The following GOLGA4 variants were observed in gnomAD, a reference collection of about 807,000 sequenced individuals.
GOLGA4 encodes the protein golgin subfamily A member 4.
A neutral mutation model predicts 265.9 loss-of-function variants in GOLGA4; 169 were observed. The observed-to-expected ratio is 0.64, with a 90% CI of 0.56 to 0.72. The LOEUF is 0.72. GOLGA4 is among the 30% of genes least tolerant of loss of function. The pLI, the probability that GOLGA4 is intolerant of heterozygous loss-of-function variation, is 0.00. For missense variants in GOLGA4, 2,482 were observed against 2,483.4 expected (o/e 1.00, Z 0.01); for synonymous variants, 923 against 855.8 (o/e 1.08, Z -1.37).
In GOLGA4 at chr3:37,325,062, A is replaced by G. The variant is rs2096966048; in HGVS notation, c.3176A>G (p.Gln1059Arg). 6.2e-7 allele frequency: 1 copy of G among 1,612,942 alleles called. No homozygotes were observed. Among genetic ancestry groups the G allele is most frequent in the South Asian group, 1.1e-5 (1 of 90,928 alleles). The change falls in exon 14 of 24, where the codon CAG becomes CGG. Residue 1059 changes from glutamine (Q) to arginine (R), a missense_variant. This residue lies in a region of GOLGA4 where 1,536 missense variants were observed against 1,483.7 expected (regional missense o/e 1.04). Transcript: ENST00000361924. ...CTTAATCAGCAAGCTGAAGAACTTC[A>G]GGAAATACATGAAATCCAATTACAG... is the stretch of plus-strand genomic sequence containing the variant. ...KKLNQQAEEL[Q>R]EIHEIQLQEK...
At chr3:37,281,827 G>A in intron 2 of GOLGA4, 131 bp from the exon 3 acceptor site, 1 of 725,764 alleles carries the variant, frequency 1.4e-6, no homozygotes, top group Non-Finnish European at 2.3e-6. Context: ...AGAAAACAAT[G>A]TATTATGTAA....
In GOLGA4 at chr3:37,324,035, A is replaced by G; in HGVS notation, c.2149A>G (p.Met717Val). ...TGTTCTGAAAGATCAAACAGATAAA[A>G]TGAAGCAGGAATTAGAGGCCAAGAT... ...LSVLKDQTDK[M>V]KQELEAKMDE... Residue 717 changes from methionine to valine, a missense_variant, in exon 14 of 24, where the codon ATG becomes GTG. By Grantham distance (21) the Met-to-Val change is conservative. Around this residue, in one of 3 missense-constraint regions of GOLGA4, gnomAD observed 1,536 missense variants for 1,483.7 expected, o/e 1.04. Transcript: ENST00000361924. The G allele has an allele frequency of 6.2e-7, 1 of 1,614,068 alleles. No homozygotes were observed. Among genetic ancestry groups the G allele is most frequent in the African/African-American group, 1.3e-5 (1 of 75,056 alleles).
intron 7 of GOLGA4, among the ~76,000 whole-genome samples, chr3:37,297,872 C>A (rs2096882597): frequency 6.6e-6 from 1 of 152,124 alleles, no homozygotes. Flanking sequence ...ACTAAAAATA[C>A]AAACAAGTTA....
intron 2 of GOLGA4, chr3:37,266,905 T>A (rs956448250): frequency 7.8e-7 from 1 of 1,287,384 alleles, no homozygotes; most frequent in Non-Finnish European, 1.0e-6. Context: ...TGCTTTGGAT[T>A]CCTCCAAACA....
In GOLGA4 at chr3:37,323,769, C is replaced by G; in HGVS notation, c.1883C>G (p.Thr628Ser). 2 of 1,610,392 alleles carry G rather than the reference C, an allele frequency of 1.2e-6. No homozygotes were observed. Among genetic ancestry groups the G allele is most frequent in the Non-Finnish European group, 1.7e-6 (2 of 1,179,142 alleles). Residue 628 changes from threonine (T) to serine (S), a missense_variant, in exon 14 of 24, where the codon ACT becomes AGT. Physicochemically the swap from Thr to Ser is moderately conservative, Grantham distance 58. Coordinates refer to ENST00000361924, the MANE Select transcript of GOLGA4 (RefSeq NM_002078.5). ...AAGCATCAGCAGGATGCCCTTTGGA[C>G]TGAAAAACTCCAAGTCTTAAAGCAA... ...SLKHQQDALW[T>S]EKLQVLKQQY...
intron 2 of GOLGA4, among the ~76,000 whole-genome samples, chr3:37,272,741 G>T (rs537926916): frequency 6.6e-6 from 1 of 152,224 alleles, no homozygotes; most frequent in Non-Finnish European, 1.5e-5. Flanking sequence ...AATGCAAGAT[G>T]TAACTACTGA....
chr3:37,315,724 C>A, intron 11 of GOLGA4, 126 bp downstream of exon 11: 1 of 825,342 alleles, frequency 1.2e-6, no homozygotes, highest in Non-Finnish European at 1.9e-6. Context: ...TTCTGATATT[C>A]AGGTTGTAAA....
intron 11 of GOLGA4, among the ~76,000 whole-genome samples, chr3:37,318,450 G>A (rs7615421): frequency 0.038 from 5,841 of 152,156 alleles, 142 homozygotes; most frequent in African/African-American, 0.056. Flanking sequence ...ATGTGCAGCT[G>A]TTTAATTTTA....
intron 2 of GOLGA4, among the ~76,000 whole-genome samples, chr3:37,278,830 T>G (rs1435705552): frequency 2.7e-5 from 4 of 150,812 alleles, no homozygotes; most frequent in African/African-American, 7.3e-5. Flanking sequence ...TTTTTTTTTT[T>G]GAGACAGAGT....
chr3:37,266,833 A>G, intron 2 of GOLGA4: 1 of 1,228,828 alleles, frequency 8.1e-7, no homozygotes, highest in South Asian at 1.3e-5. Flanking sequence ...ATTACACTGA[A>G]TGAGACAGCT....
At chr3:37,360,752 C>G (rs1696191610) in intron 22 of GOLGA4, among the ~76,000 whole-genome samples, 1 of 152,066 alleles carries the variant, frequency 6.6e-6, no homozygotes, top group African/African-American at 2.4e-5. Flanking sequence ...TGTTGAATTA[C>G]AAGAGAGTTA....
chr3:37,360,258 A>C (rs1030884180), intron 22 of GOLGA4, among the ~76,000 whole-genome samples: 2 of 152,196 alleles, frequency 1.3e-5, no homozygotes, highest in Non-Finnish European at 2.9e-5. Flanking sequence ...TTGTATGATT[A>C]TATGGATGTC....
At chr3:37,362,444 T>C (rs1399339194) in intron 23 of GOLGA4, among the ~76,000 whole-genome samples, 1 of 150,984 alleles carries the variant, frequency 6.6e-6, no homozygotes, top group African/African-American at 2.4e-5. Flanking sequence ...GTTTCACCGT[T>C]TTAGCCAGGA....
chr3:37,337,151 T>TA lies in GOLGA4; in HGVS notation c.6316dup (p.Met2106AsnfsTer16). On this transcript the variant is annotated frameshift_variant, in exon 18 of 24. Transcript: ENST00000361924. LOFTEE classifies it high-confidence loss of function. ...TCTTTCCATTTTTTCAGGTAACAAT[T>TA]ATGGAGCTACAGGTAAGGCTAGTTC... The TA allele has an allele frequency of 1.4e-6, 2 of 1,460,944 alleles. No homozygotes were observed. Among genetic ancestry groups the TA allele is most frequent in the Non-Finnish European group, 1.9e-6 (2 of 1,053,856 alleles). 90.5% of individuals were successfully genotyped at this position (1,460,944 alleles called of 1,614,324 possible).
At chr3:37,286,302 C>T (rs1487435131) in intron 4 of GOLGA4, among the ~76,000 whole-genome samples, 5 of 149,906 alleles carry the variant, frequency 3.3e-5, no homozygotes, top group South Asian at 2.1e-4. Flanking sequence ...TACAGGCGCC[C>T]GCCACCGCGC....
intron 2 of GOLGA4, among the ~76,000 whole-genome samples, chr3:37,257,795 A>G (rs887042404): frequency 6.6e-6 from 1 of 150,650 alleles, no homozygotes; most frequent in Non-Finnish European, 1.5e-5. Flanking sequence ...TAGAGGCCAT[A>G]GTAACCATGT....
At position 37,324,984 on chromosome 3, in the gene GOLGA4, C is replaced by T. The variant is rs2150963434; in HGVS notation, c.3098C>T (p.Thr1033Ile). 6.2e-7 allele frequency: 1 copy of T among 1,613,162 alleles called. No individual in the cohort carries two copies. The highest frequency in any genetic ancestry group is 8.5e-7 in the Non-Finnish European group (1 of 1,179,418). Residue 1033 changes from threonine to isoleucine, a missense_variant, in exon 14 of 24, where the codon ACT becomes ATT. Transcript: ENST00000361924. ...TNQKEQIESL[T>I]EVHRRELNDV... is the part of the protein sequence containing the mutation. ...CAAAAAGAACAAATAGAAAGTCTTA[C>T]TGAGGTTCATCGACGAGAACTCAAT...
intron 9 of GOLGA4, among the ~76,000 whole-genome samples, chr3:37,300,144 AG>A (rs891433520): frequency 6.6e-6 from 1 of 151,712 alleles, no homozygotes; most frequent in Non-Finnish European, 1.5e-5. Context: ...AGATGAGATT[AG>A]AGGATTGAGG....
At chr3:37,299,074 G>A (rs1283174632) in intron 8 of GOLGA4, 54 bp downstream of exon 8, 6 of 1,404,502 alleles carry the variant, frequency 4.3e-6, no homozygotes, top group Non-Finnish European at 5.8e-6. Flanking sequence ...TAGATCCACA[G>A]GCTCCACAGC....
Sources: allele counts gnomAD v4.1 joint callset (sites outside exome capture counted in the v4.1 genomes callset), GRCh38; gene constraint gnomAD v4.1.1; regional missense constraint gnomAD v4.1.1; transcripts MANE v1.5; gene names NCBI Gene and HGNC (gene_info 2026-07-23, HGNC 2026-07-21).